The following MYBPC2 variants were observed in gnomAD, a reference collection of about 807,000 sequenced individuals.
The protein encoded by MYBPC2 is myosin binding protein C2.
A neutral mutation model predicts 137.0 loss-of-function variants in MYBPC2; 122 were observed. The ratio of observed to expected loss-of-function variants is 0.89; its 90% CI spans 0.77 to 1.03. The LOEUF (loss-of-function observed/expected upper bound fraction) is 1.03, where lower values mean the gene tolerates loss of function less well. Among genes scored for constraint, MYBPC2 ranks in the 50% least tolerant of loss-of-function variants. The pLI, the probability that MYBPC2 is intolerant of heterozygous loss-of-function variation, is 0.00. For missense variants in MYBPC2, 1,500 were observed against 1,534.4 expected (o/e 0.98, Z 0.37); for synonymous variants, 626 against 612.3 (o/e 1.02, Z -0.33).
At chr19:50,456,079 A>ACTGT (rs1773639615) in intron 20 of MYBPC2, among the ~76,000 whole-genome samples, 3 of 118,440 alleles carry the variant, frequency 2.5e-5, no homozygotes, top group Admixed American at 1.8e-4. Context: ...CATTCATCTT[A>ACTGT]CCGTCCATCC....
chr19:50,443,318 G>T (rs1394141921), intron 9 of MYBPC2, among the ~76,000 whole-genome samples, 176 bp from the exon 10 acceptor site: 1 of 151,946 alleles, frequency 6.6e-6, no homozygotes, highest in African/African-American at 2.4e-5. Context: ...GTGAGACCCT[G>T]TCTCAAAAGT....
At chr19:50,464,988 C>T (rs1404228329) in intron 27 of MYBPC2, among the ~76,000 whole-genome samples, 2 of 152,046 alleles carry the variant, frequency 1.3e-5, no homozygotes, top group Admixed American at 6.5e-5. Context: ...TCCCTCATCT[C>T]GGTCCCACAG....
chr19:50,443,569 T>G lies in MYBPC2; in HGVS notation c.978T>G (p.Tyr326Ter), dbSNP rs753078335. 17 of 1,613,058 alleles carry G rather than the reference T, an allele frequency of 1.1e-5. No homozygotes were observed. ...GCACGCTGGCGGATGACGCTGCCTA[T>G]GAAGTAGCTGTCAAGGATGAGAAGT... is the stretch of plus-strand genomic sequence containing the variant. Reference protein sequence around the residue: ...NKCTLADDAAYEVAVKDEKCF... With the variant: ...NKCTLADDAA The change falls in exon 10 of 28, where the codon TAT becomes TAG. Residue 326 changes from tyrosine to a stop codon, truncating the protein, a stop_gained. Coordinates refer to ENST00000357701, the MANE Select transcript of MYBPC2 (RefSeq NM_004533.4). LOFTEE classifies it high-confidence loss of function.
Position 50,435,241 on chromosome 19 carries a change from GC to G in MYBPC2, c.105del (p.Glu37LysfsTer19). The G allele has an allele frequency of 1.1e-5, 14 of 1,248,636 alleles. No homozygotes were observed. Among genetic ancestry groups the G allele is most frequent in the Non-Finnish European group, 1.6e-5 (14 of 858,836 alleles). 77.3% of individuals were successfully genotyped at this position (1,248,636 alleles called of 1,614,324 possible). On this transcript the variant is annotated frameshift_variant, in exon 2 of 28. Coordinates refer to ENST00000357701, the MANE Select transcript of MYBPC2 (RefSeq NM_004533.4). LOFTEE classifies it high-confidence loss of function. This position sits in a 1 kb window ranked among gnomAD's most constrained non-coding sequence, Gnocchi z 4.8. ...EAPPKEAPAE[A>X]PKEAPPEDQS... ...TCCCCCTAAGGAGGCTCCTGCAGAGGCCCCCAAAGGTGAGGAGGTGCTCCCT... is the reference window on the plus strand; with the variant it reads ...TCCCCCTAAGGAGGCTCCTGCAGAGGCCCCAAAGGTGAGGAGGTGCTCCCT...
chr19:50,461,400 C>A, intron 24 of MYBPC2, 142 bp from the exon 25 acceptor site: 1 of 876,294 alleles, frequency 1.1e-6, no homozygotes. Context: ...CACCTGTTGG[C>A]CACTGTGAGT....
At chr19:50,462,739 G>C (rs1034862619) in intron 26 of MYBPC2, among the ~76,000 whole-genome samples, 2 of 152,018 alleles carry the variant, frequency 1.3e-5, no homozygotes, top group Non-Finnish European at 2.9e-5. Flanking sequence ...ACCATGCCCA[G>C]CTAAATTTTG....
At chr19:50,453,795 C>T (rs2122604757) in intron 16 of MYBPC2, among the ~76,000 whole-genome samples, 1 of 152,230 alleles carries the variant, frequency 6.6e-6, no homozygotes. Flanking sequence ...CCGCCTCGGC[C>T]TCCCAAAGTG....
chr19:50,458,722 T>C lies in MYBPC2; in HGVS notation c.2474T>C (p.Leu825Pro). ...GCGGGGCGCAGCGAGCCGGCCACCC[T>C]GGCCCAGCCGGTCACCATCAGGGAG... Reference protein sequence around the residue: ...NIAGRSEPATLAQPVTIREIA... With the variant: ...NIAGRSEPATPAQPVTIREIA... The change falls in exon 21 of 28, where the codon CTG (leucine) becomes CCG (proline). Residue 825 changes from leucine to proline, a missense_variant. Physicochemically the swap from Leu to Pro is moderately conservative, Grantham distance 98. Coordinates refer to ENST00000357701, the MANE Select transcript of MYBPC2 (RefSeq NM_004533.4). 1 of 1,609,186 alleles carries C rather than the reference T, an allele frequency of 6.2e-7. No individual in the cohort carries two copies. Among genetic ancestry groups the C allele is most frequent in the Non-Finnish European group, 8.5e-7 (1 of 1,179,830 alleles).
intron 13 of MYBPC2, 27 bp from the exon 14 acceptor site, chr19:50,450,802 G>A (rs557625997): frequency 1.3e-6 from 2 of 1,539,916 alleles, no homozygotes; most frequent in South Asian, 1.2e-5. Context: ...TCTGGTTCGA[G>A]CCCTACCCTG....
At chr19:50,452,237 T>C (rs2039865446) in intron 16 of MYBPC2, among the ~76,000 whole-genome samples, 1 of 152,328 alleles carries the variant, frequency 6.6e-6, no homozygotes, top group East Asian at 1.9e-4. Context: ...ATCGACCAGT[T>C]TAGGCTTCCA....
chr19:50,450,995 GC>G, intron 14 of MYBPC2, 60 bp downstream of exon 14: 2 of 1,448,980 alleles, frequency 1.4e-6, no homozygotes, highest in South Asian at 2.4e-5. Flanking sequence ...CAGACCCAGG[GC>G]CCGGGATGTC....
intron 26 of MYBPC2, among the ~76,000 whole-genome samples, chr19:50,463,097 AACC>A (rs1217658667): frequency 1.9e-4 from 29 of 152,344 alleles, no homozygotes; most frequent in Admixed American, 1.9e-3. Flanking sequence ...GGGGTTGGCA[AACC>A]ATCACCCATG....
At position 50,450,955 on chromosome 19, in the gene MYBPC2, C is replaced by CT. The variant is rs1374382179; in HGVS notation, c.1579+22dup. ...TCCTGGGTGAGGATGCCCCTTCCTC[C>CT]TTCCCTGGGGGCTGTAGGATCCACC... On this transcript the variant is annotated intron_variant, in intron 14 of 27. Transcript: ENST00000357701. 1 of 1,549,398 alleles carries CT rather than the reference C, an allele frequency of 6.5e-7. No individual in the cohort carries two copies. The highest frequency in any genetic ancestry group is 2.4e-5 in the East Asian group (1 of 41,070).
chr19:50,434,724 G>A (rs1442367617), intron 1 of MYBPC2, among the ~76,000 whole-genome samples: 2 of 152,208 alleles, frequency 1.3e-5, no homozygotes, highest in Non-Finnish European at 2.9e-5. Flanking sequence ...GCAGGCTGTG[G>A]GGTGGGTCCA....
intron 13 of MYBPC2, among the ~76,000 whole-genome samples, chr19:50,450,601 T>C (rs1373968236): frequency 6.6e-6 from 1 of 152,146 alleles, no homozygotes; most frequent in Non-Finnish European, 1.5e-5. Context: ...TGTAGATGGA[T>C]ATCATTACCC....
intron 11 of MYBPC2, among the ~76,000 whole-genome samples, 187 bp downstream of exon 11, chr19:50,444,003 C>G (rs2039779494): frequency 6.6e-6 from 1 of 151,904 alleles, no homozygotes; most frequent in Non-Finnish European, 1.5e-5. Flanking sequence ...TCTAGAATTT[C>G]TGACCTCTAC....
Position 50,464,532 on chromosome 19 carries a change from G to A in MYBPC2, c.3415G>A (p.Val1139Met). ...ALAECKLEVR[V>M]PQ ...GGCTGAGTGCAAGCTGGAGGTCCGA[G>A]GTGAGGGCGTGGCCATCCCCAACAC... Residue 1139 changes from valine (V) to methionine (M), a missense_variant and splice_region_variant, in exon 27 of 28, where the codon GTG (valine) becomes ATG (methionine). Val to Met is a conservative substitution (Grantham distance 21, BLOSUM62 1). Transcript: ENST00000357701. 1 of 1,604,158 alleles carries A rather than the reference G, an allele frequency of 6.2e-7. No homozygotes were observed. The highest frequency in any genetic ancestry group is 8.5e-7 in the Non-Finnish European group (1 of 1,176,314).
At chr19:50,455,709 G>T in intron 20 of MYBPC2, 65 bp downstream of exon 20, 1 of 1,586,510 alleles carries the variant, frequency 6.3e-7, no homozygotes, top group Non-Finnish European at 8.6e-7. Context: ...AGTCCAGGGA[G>T]CTGAAAATAG....
chr19:50,440,323 A>AAATAAAT (rs1555796267), intron 7 of MYBPC2, among the ~76,000 whole-genome samples: 12 of 139,106 alleles, frequency 8.6e-5, no homozygotes, highest in East Asian at 6.2e-4. Context: ...CTGTGGAAAT[A>AAATAAAT]AAATAAATAA....
Sources: gnomAD v4.1 joint callset for allele counts (sites outside exome capture counted in the v4.1 genomes callset) on GRCh38, gnomAD v4.1.1 for gene constraint, Gnocchi (gnomAD v3.1) non-coding constraint, MANE v1.5 for transcripts, NCBI Gene and HGNC (gene_info 2026-07-23, HGNC 2026-07-21) for gene names.